SNX29: variants seen among roughly 807,000 people sequenced by gnomAD.
SNX29 encodes sorting nexin-29.
SNX29 carries 78 observed loss-of-function variants against 102.1 expected under a neutral mutation model. That is an observed-to-expected ratio of 0.76 (90% confidence interval 0.64 to 0.92). The LOEUF (loss-of-function observed/expected upper bound fraction) is 0.92. Ranked by LOEUF, SNX29 falls within the 40% of genes least tolerant of loss-of-function variation. The pLI, the probability that SNX29 is intolerant of heterozygous loss-of-function variation, is 0.00. For synonymous variants in SNX29, 580 were observed against 414.5 expected (o/e 1.40, Z -4.85); for missense variants, 1,280 against 1,061.7 (o/e 1.21, Z -2.86).
intron 3 of SNX29, among the ~76,000 whole-genome samples, chr16:12,014,092 T>C (rs529086780): frequency 7.1e-4 from 108 of 152,268 alleles, no homozygotes; most frequent in Non-Finnish European, 1.2e-3. Context: ...CCACTGTGCC[T>C]GGCTGAGTTT....
rs140052710 is a variant in SNX29 at position 12,019,507 on chromosome 16, T to C, written c.123-7813T>C. 8.0e-3 allele frequency among the ~76,000 whole-genome samples: 1,220 copies of C among 152,034 alleles called. 10 individuals are homozygous for C. The highest frequency in any genetic ancestry group is 0.027 in the African/African-American group (1,121 of 41,472). On this transcript the variant is annotated intron_variant, in intron 3 of 20. Coordinates refer to ENST00000566228, the MANE Select transcript of SNX29 (RefSeq NM_032167.5). ...AGAGTGAGCCACCGCGCCTGGCAAC[T>C]ATGACCAGTAAATCTTTCACCAAGT...
intron 14 of SNX29, among the ~76,000 whole-genome samples, chr16:12,216,318 A>T (rs1475061431): frequency 1.3e-5 from 2 of 152,078 alleles, no homozygotes; most frequent in African/African-American, 4.8e-5. Context: ...GGGCTTTGTG[A>T]CCCCTCCCCT....
intron 15 of SNX29, among the ~76,000 whole-genome samples, chr16:12,281,749 A>T (rs1477031186): frequency 6.6e-6 from 1 of 152,076 alleles, no homozygotes; most frequent in African/African-American, 2.4e-5. Context: ...AAGTTTAGTA[A>T]CTTTCCCAAG....
Position 12,331,801 on chromosome 16 carries a change from C to G in SNX29, c.1783-24362C>G, listed in dbSNP as rs548294107. 7.9e-5 allele frequency among the ~76,000 whole-genome samples: 12 copies of G among 152,336 alleles called. No individual in the cohort carries two copies. In the East Asian group the frequency reaches 1.9e-3, roughly 25 times the overall value. On this transcript the variant is annotated intron_variant, in intron 15 of 20. Transcript: ENST00000566228. ...TCCTGACCTCAGGTGATCTGCCTGCCTCAGCCTCCCAATGTGCTGGGATTA... is the reference window on the plus strand; with the variant it reads ...TCCTGACCTCAGGTGATCTGCCTGCGTCAGCCTCCCAATGTGCTGGGATTA...
At chr16:12,021,623 C>T (rs746187815) in intron 3 of SNX29, among the ~76,000 whole-genome samples, 16 of 152,036 alleles carry the variant, frequency 1.1e-4, no homozygotes, top group Non-Finnish European at 2.2e-4. Flanking sequence ...CTTGGTGTCT[C>T]ACTTCTGTAA....
chr16:12,215,181 G>T (rs996428087), intron 14 of SNX29, among the ~76,000 whole-genome samples: 3 of 152,088 alleles, frequency 2.0e-5, no homozygotes, highest in Non-Finnish European at 2.9e-5. Flanking sequence ...CCATTTACAC[G>T]GGAGAACTGA....
At chr16:12,223,218 G>A (rs1055124556) in intron 14 of SNX29, among the ~76,000 whole-genome samples, 1 of 152,118 alleles carries the variant, frequency 6.6e-6, no homozygotes, top group Non-Finnish European at 1.5e-5. Context: ...TTACTTATGT[G>A]TAAAATCGAG....
At chr16:12,263,132 C>CTTTT (rs541154463) in intron 14 of SNX29, among the ~76,000 whole-genome samples, 1 of 138,362 alleles carries the variant, frequency 7.2e-6, no homozygotes, top group Non-Finnish European at 1.6e-5. Flanking sequence ...TGTTGTCCAC[C>CTTTT]TTTTTTTTTT....
chr16:11,997,724 C>G (rs2056136688), intron 1 of SNX29, among the ~76,000 whole-genome samples: 1 of 152,130 alleles, frequency 6.6e-6, no homozygotes, highest in Admixed American at 6.5e-5. Flanking sequence ...AGCAATCTTC[C>G]TGCCTCAGCC....
chr16:12,351,308 C>T (rs534531352), intron 15 of SNX29, among the ~76,000 whole-genome samples: 7 of 152,136 alleles, frequency 4.6e-5, no homozygotes, highest in Admixed American at 1.3e-4. Flanking sequence ...GGCTTCAGGC[C>T]CCTCCCCACA....
chr16:12,383,637 C>T (rs1230908222), intron 16 of SNX29, among the ~76,000 whole-genome samples: 3 of 151,806 alleles, frequency 2.0e-5, no homozygotes, highest in African/African-American at 4.8e-5. Flanking sequence ...GGTTTCACCA[C>T]GTTGGCCAGG....
At chr16:12,423,196 GTTT>G (rs57076200) in intron 18 of SNX29, among the ~76,000 whole-genome samples, 1 of 145,960 alleles carries the variant, frequency 6.9e-6, no homozygotes, top group African/African-American at 2.5e-5. Flanking sequence ...GCATGGGGTT[GTTT>G]TTTTTTTTTA....
chr16:12,564,512 A>C (rs950858111), intron 20 of SNX29, among the ~76,000 whole-genome samples: 3 of 152,212 alleles, frequency 2.0e-5, no homozygotes, highest in Non-Finnish European at 2.9e-5. Flanking sequence ...GAAGGAACTC[A>C]AGTTTTCTGA....
In SNX29 at chr16:12,052,056, A is replaced by G; in HGVS notation, c.958A>G (p.Ser320Gly). The change falls in exon 8 of 21, where the codon AGC becomes GGC. Residue 320 changes from serine (S) to glycine (G), a missense_variant. Ser to Gly is a moderately conservative substitution (Grantham distance 56). Transcript: ENST00000566228. Reference sequence around the variant, plus strand: ...CGGGCCTAACTCCAATGGAAGTCAGAGCAGCAACTCATGGAAAATTGATTC... The same window carrying G: ...CGGGCCTAACTCCAATGGAAGTCAGGGCAGCAACTCATGGAAAATTGATTC... ...PFGPNSNGSQ[S>G]SNSWKIDSLS... The G allele has an allele frequency of 6.8e-6, 11 of 1,613,986 alleles. No homozygotes were observed. Among genetic ancestry groups the G allele is most frequent in the Non-Finnish European group, 9.3e-6 (11 of 1,179,874 alleles).
intron 11 of SNX29, among the ~76,000 whole-genome samples, chr16:12,123,349 G>T (rs960792609): frequency 6.6e-6 from 1 of 152,050 alleles, no homozygotes; most frequent in South Asian, 2.1e-4. Flanking sequence ...AGTATTGTTA[G>T]CCAGAGTCCC....
chr16:12,046,362 C>T (rs772722000), intron 5 of SNX29, 22 bp from the exon 6 acceptor site: 3 of 1,612,520 alleles, frequency 1.9e-6, no homozygotes, highest in Non-Finnish European at 2.5e-6. Flanking sequence ...AGAACGATTT[C>T]CTTTTCTCTT....
At chr16:12,318,435 A>G (rs1431537607) in intron 15 of SNX29, among the ~76,000 whole-genome samples, 3 of 152,160 alleles carry the variant, frequency 2.0e-5, no homozygotes, top group Non-Finnish European at 4.4e-5. Context: ...AGAGTCGGGA[A>G]CGTGACTTGG....
Position 12,260,291 on chromosome 16 carries a change from C to T in SNX29, c.1679-17642C>T, listed in dbSNP as rs144307721. On this transcript the variant is annotated intron_variant, in intron 14 of 20. Transcript: ENST00000566228. Reference sequence around the variant, plus strand: ...TTGACATTGTTTTCCTTGTAGGTTCCTGGAGCAGGGATACATTCTGGATTT... The same window carrying T: ...TTGACATTGTTTTCCTTGTAGGTTCTTGGAGCAGGGATACATTCTGGATTT... 3.5e-3 allele frequency among the ~76,000 whole-genome samples: 528 copies of T among 152,280 alleles called. 3 individuals carry two copies. Among genetic ancestry groups the T allele is most frequent in the African/African-American group, 0.012 (488 of 41,554 alleles).
chr16:12,049,963 G>A (rs1005138596), intron 7 of SNX29, among the ~76,000 whole-genome samples: 9 of 152,198 alleles, frequency 5.9e-5, no homozygotes, highest in Admixed American at 1.3e-4. Context: ...TCAAATCTCT[G>A]AAACAAGGCA....
Sources: gnomAD v4.1 joint callset for allele counts (sites outside exome capture counted in the v4.1 genomes callset) on GRCh38, gnomAD v4.1.1 for gene constraint, MANE v1.5 for transcripts, NCBI Gene and HGNC (gene_info 2026-07-23, HGNC 2026-07-21) for gene names.